The following CERKL variants were observed in gnomAD, a reference collection of about 807,000 sequenced individuals.
The protein encoded by CERKL is ceramide kinase-like protein.
A neutral mutation model predicts 63.4 loss-of-function variants in CERKL; 61 were observed. The ratio of observed to expected loss-of-function variants is 0.96; its 90% CI spans 0.78 to 1.19. The LOEUF is 1.19. CERKL is among the 50% of genes most tolerant of loss of function. CERKL has a pLI of 0.00. For missense variants in CERKL, 675 were observed against 655.5 expected, an observed-to-expected ratio of 1.03 and a Z score of -0.33; for synonymous variants, 250 against 230.5, an observed-to-expected ratio of 1.08 and a Z score of -0.77.
rs1026758218 is a variant in CERKL at position 181,580,864 on chromosome 2, A to G, written c.482-6980T>C. 1.0e-3 allele frequency among the ~76,000 whole-genome samples: 158 copies of G among 152,164 alleles called. 16 individuals carry two copies. The highest frequency in any genetic ancestry group is 1.3e-4 in the Non-Finnish European group (9 of 68,016). On this transcript the variant is annotated intron_variant, in intron 2 of 12. Coordinates refer to ENST00000410087, the MANE Select transcript of CERKL (RefSeq NM_201548.5). ...CCTGTTCCTTAAGGGTATAACGAAC[A>G]TCTCTGTGAAAATATCAGTCTGGTA...
In CERKL at chr2:181,566,056, A is replaced by G; in HGVS notation, c.677+2T>C. The G allele has an allele frequency of 6.3e-7, 1 of 1,581,572 alleles. No individual in the cohort carries two copies. The highest frequency in any genetic ancestry group is 1.1e-5 in the South Asian group (1 of 90,440). On this transcript the variant is annotated splice_donor_variant, in intron 4 of 12. Coordinates refer to ENST00000410087, the MANE Select transcript of CERKL (RefSeq NM_201548.5). LOFTEE classifies it high-confidence loss of function. ...CATATATTGATTAATAATATAACCT[A>G]CCCATCAAATCCCTGGAGTTCACAT...
intron 1 of CERKL, among the ~76,000 whole-genome samples, chr2:181,609,416 C>T (rs113137374): frequency 2.2e-3 from 334 of 150,502 alleles, no homozygotes; most frequent in African/African-American, 7.5e-3. Context: ...AATGAGGGGG[C>T]CAGGCACAGT....
intron 1 of CERKL, among the ~76,000 whole-genome samples, chr2:181,631,986 A>C (rs1333784227): frequency 6.6e-6 from 1 of 152,218 alleles, no homozygotes; most frequent in East Asian, 1.9e-4. Flanking sequence ...TATTTTGAGG[A>C]CAAATTTAAA....
chr2:181,561,518 C>G (rs936006570), intron 4 of CERKL, among the ~76,000 whole-genome samples: 2 of 151,908 alleles, frequency 1.3e-5, no homozygotes, highest in Non-Finnish European at 2.9e-5. Context: ...AATAGCAGGC[C>G]CTAGAGGAAA....
chr2:181,593,503 G>C (rs1449252), intron 2 of CERKL, among the ~76,000 whole-genome samples: 29,826 of 150,652 alleles, frequency 0.2, 4,921 homozygotes, highest in African/African-American at 0.46. Context: ...CAATTCAGAA[G>C]TATATAAAGA....
intron 1 of CERKL, among the ~76,000 whole-genome samples, chr2:181,618,461 G>A (rs1208726449): frequency 6.6e-6 from 1 of 151,568 alleles, no homozygotes; most frequent in African/African-American, 2.4e-5. Context: ...CTGTTGCCCA[G>A]GCTAGAGTCC....
At chr2:181,613,902 A>G (rs111892669) in intron 1 of CERKL, among the ~76,000 whole-genome samples, 341 of 152,348 alleles carry the variant, frequency 2.2e-3, no homozygotes, top group African/African-American at 7.6e-3. Flanking sequence ...ATGAACATGT[A>G]TATAATATTA....
At chr2:181,594,088 AC>A (rs1454339850) in intron 2 of CERKL, among the ~76,000 whole-genome samples, 1 of 152,192 alleles carries the variant, frequency 6.6e-6, no homozygotes, top group Non-Finnish European at 1.5e-5. Flanking sequence ...AATAATGCCT[AC>A]CACATAATAG....
intron 2 of CERKL, among the ~76,000 whole-genome samples, chr2:181,591,898 A>C (rs377633832): frequency 6.6e-6 from 1 of 152,276 alleles, no homozygotes; most frequent in East Asian, 1.9e-4. Flanking sequence ...AATAAACAAG[A>C]GTTTCTTAGA....
intron 4 of CERKL, among the ~76,000 whole-genome samples, chr2:181,561,192 C>T (rs1296875067): frequency 1.3e-5 from 2 of 151,930 alleles, no homozygotes; most frequent in East Asian, 1.9e-4. Context: ...GGGTGGATCA[C>T]GAGGTCAGGA....
At chr2:181,619,993 T>C (rs1297515550) in intron 1 of CERKL, among the ~76,000 whole-genome samples, 6 of 152,216 alleles carry the variant, frequency 3.9e-5, no homozygotes, top group Admixed American at 2.6e-4. Flanking sequence ...TTTAACAAGT[T>C]TGAATACCTA....
intron 2 of CERKL, among the ~76,000 whole-genome samples, chr2:181,587,671 A>G (rs1011866164): frequency 6.6e-6 from 1 of 152,152 alleles, no homozygotes; most frequent in African/African-American, 2.4e-5. Flanking sequence ...AAATACAATT[A>G]ACCTCATAAA....
chr2:181,590,342 G>A (rs980043287), intron 2 of CERKL, among the ~76,000 whole-genome samples: 7 of 151,008 alleles, frequency 4.6e-5, no homozygotes, highest in Non-Finnish European at 1.5e-5. Flanking sequence ...GTTTCACTGT[G>A]TTGGTCAGGC....
At chr2:181,609,947 A>C (rs1000726381) in intron 1 of CERKL, among the ~76,000 whole-genome samples, 1 of 152,088 alleles carries the variant, frequency 6.6e-6, no homozygotes, top group Non-Finnish European at 1.5e-5. Context: ...CATAATATAC[A>C]CCAATATTTG....
At chr2:181,599,908 T>C (rs1212072253) in intron 2 of CERKL, among the ~76,000 whole-genome samples, 1 of 152,070 alleles carries the variant, frequency 6.6e-6, no homozygotes, top group East Asian at 1.9e-4. Context: ...CATCAGACTA[T>C]GCAAGGTCAA....
chr2:181,616,019 C>T (rs966825469), intron 1 of CERKL, among the ~76,000 whole-genome samples: 2 of 151,876 alleles, frequency 1.3e-5, no homozygotes, highest in African/African-American at 2.4e-5. Context: ...ACAGTCCAAT[C>T]GCAAATGTCA....
chr2:181,643,779 T>C (rs1273653868), intron 1 of CERKL, among the ~76,000 whole-genome samples: 1 of 152,210 alleles, frequency 6.6e-6, no homozygotes, highest in African/African-American at 2.4e-5. Context: ...TTAAACATAC[T>C]AATATATGAG....
intron 3 of CERKL, among the ~76,000 whole-genome samples, chr2:181,568,982 C>T (rs929636216): frequency 4.6e-5 from 7 of 152,052 alleles, no homozygotes; most frequent in African/African-American, 1.4e-4. Flanking sequence ...GTTCTGGTCC[C>T]AAGCCTTTCA....
At chr2:181,644,901 T>C (rs1396075809) in intron 1 of CERKL, among the ~76,000 whole-genome samples, 1 of 152,188 alleles carries the variant, frequency 6.6e-6, no homozygotes, top group Non-Finnish European at 1.5e-5. Flanking sequence ...AGTTTTGTAA[T>C]TCTTTCAATT....
Sources: allele counts gnomAD v4.1 joint callset (sites outside exome capture counted in the v4.1 genomes callset), GRCh38; gene constraint gnomAD v4.1.1; transcripts MANE v1.5; gene names NCBI Gene and HGNC (gene_info 2026-07-23, HGNC 2026-07-21).